The following CSMD1 variants were observed in gnomAD, a reference collection of about 807,000 sequenced individuals.
CSMD1 encodes CUB and Sushi multiple domains 1.
A neutral mutation model predicts 417.5 loss-of-function variants in CSMD1; 213 were observed. The observed-to-expected ratio is 0.51, with a 90% CI of 0.46 to 0.57. The LOEUF (loss-of-function observed/expected upper bound fraction) is 0.57. CSMD1 is among the 20% of genes least tolerant of loss of function. The pLI is 0.00. For synonymous variants in CSMD1, 2,862 were observed against 1,736.8 expected (o/e 1.65, Z -16.11); for missense variants, 6,923 against 4,529.7 (o/e 1.53, Z -15.17).
chr8:3,454,116 C>G lies in CSMD1; in HGVS notation c.1561+14596G>C, dbSNP rs6986675. Among the ~76,000 whole-genome samples, 11 of 152,204 alleles carry G rather than the reference C, an allele frequency of 7.2e-5. No individual in the cohort carries two copies. In the South Asian group the frequency reaches 8.3e-4, roughly 11 times the overall value. On this transcript the variant is annotated intron_variant, in intron 12 of 69. Coordinates refer to ENST00000635120, the MANE Select transcript of CSMD1 (RefSeq NM_033225.6). ...TTTGTTGGTTTAAAGTCTGTTTTAT[C>G]AGAGACTAGGATTGCAACCCCTGCC...
intron 2 of CSMD1, among the ~76,000 whole-genome samples, chr8:4,596,502 A>T (rs4875368): frequency 6.6e-6 from 1 of 152,100 alleles, no homozygotes; most frequent in Non-Finnish European, 1.5e-5. Context: ...TGTATAACAC[A>T]CAAGACTCTG....
At position 4,614,494 on chromosome 8, in the gene CSMD1, T is replaced by C. The variant is rs879649571; in HGVS notation, c.302+22848A>G. On this transcript the variant is annotated intron_variant, in intron 2 of 69. Transcript: ENST00000635120. ...TATGTCACCTCTAAACTGATCTCTT[T>C]ATTTTTAAGATTCATATACTAATAA... Among the ~76,000 whole-genome samples the C allele has an allele frequency of 2.0e-5, 3 of 152,198 alleles. No individual in the cohort carries two copies. In the East Asian group the frequency reaches 5.8e-4, roughly 29 times the overall value.
intron 50 of CSMD1, among the ~76,000 whole-genome samples, chr8:3,044,153 C>A (rs936625726): frequency 5.3e-5 from 8 of 152,180 alleles, no homozygotes; most frequent in East Asian, 1.9e-4. Context: ...TTCTAAGTAT[C>A]TTTAGCCCAA....
In CSMD1 at chr8:3,569,585, T is replaced by C. The variant is rs896020488; in HGVS notation, c.1344+5360A>G. Among the ~76,000 whole-genome samples, 3 of 152,324 alleles carry C rather than the reference T, an allele frequency of 2.0e-5. No homozygotes were observed. The East Asian group carries it at 5.8e-4, about 29-fold the overall frequency. On this transcript the variant is annotated intron_variant, in intron 10 of 69. Coordinates refer to ENST00000635120, the MANE Select transcript of CSMD1 (RefSeq NM_033225.6). ...GTATGCAAATTCTTCACATCCAAAA[T>C]GCTTCACTGATGCTTCTGGCAAGAG...
intron 5 of CSMD1, among the ~76,000 whole-genome samples, chr8:3,865,174 G>C (rs1178221284): frequency 6.6e-6 from 1 of 152,208 alleles, no homozygotes; most frequent in Non-Finnish European, 1.5e-5. Context: ...CTTGGGTGTA[G>C]AGGCACCTCT....
intron 37 of CSMD1, among the ~76,000 whole-genome samples, chr8:3,177,942 G>A (rs1038808000): frequency 6.6e-6 from 1 of 152,198 alleles, no homozygotes; most frequent in Non-Finnish European, 1.5e-5. Flanking sequence ...GAACAAGAGT[G>A]ACACTTGTGT....
At chr8:3,634,017 T>C (rs1796912639) in intron 7 of CSMD1, among the ~76,000 whole-genome samples, 1 of 151,846 alleles carries the variant, frequency 6.6e-6, no homozygotes, top group Admixed American at 6.6e-5. Flanking sequence ...AAATGTTTTA[T>C]CTGGGATTAC....
intron 3 of CSMD1, among the ~76,000 whole-genome samples, chr8:4,363,080 G>C (rs1226636393): frequency 6.6e-6 from 1 of 152,132 alleles, no homozygotes; most frequent in African/African-American, 2.4e-5. Flanking sequence ...AGAGCAGCCA[G>C]GTCACAGTGG....
At chr8:4,628,113 C>CTA (rs1554528777) in intron 2 of CSMD1, among the ~76,000 whole-genome samples, 1 of 123,998 alleles carries the variant, frequency 8.1e-6, no homozygotes, top group Non-Finnish European at 1.8e-5. Context: ...ATATATACTT[C>CTA]TGTGTGTGTG....
intron 5 of CSMD1, among the ~76,000 whole-genome samples, chr8:3,791,096 G>A (rs1421314741): frequency 6.6e-6 from 1 of 152,136 alleles, no homozygotes; most frequent in African/African-American, 2.4e-5. Context: ...TAAAATCAGT[G>A]TGATGGAACA....
At chr8:3,945,541 A>G (rs1211896064) in intron 5 of CSMD1, among the ~76,000 whole-genome samples, 9 of 151,570 alleles carry the variant, frequency 5.9e-5, no homozygotes, top group South Asian at 4.2e-4. Flanking sequence ...GTTGATTCAT[A>G]TAACTTTTGA....
chr8:4,174,053 C>T (rs1177745754), intron 3 of CSMD1, among the ~76,000 whole-genome samples: 1 of 152,230 alleles, frequency 6.6e-6, no homozygotes, highest in East Asian at 1.9e-4. Context: ...TGGTTTAGGC[C>T]TGGGCCACCT....
intron 5 of CSMD1, among the ~76,000 whole-genome samples, chr8:3,975,626 G>C (rs1813379879): frequency 6.6e-6 from 1 of 152,136 alleles, no homozygotes; most frequent in Admixed American, 6.6e-5. Context: ...CATGACTAAA[G>C]TGCCTGTAGG....
At chr8:4,764,457 T>A (rs1435701330) in intron 1 of CSMD1, among the ~76,000 whole-genome samples, 1 of 152,194 alleles carries the variant, frequency 6.6e-6, no homozygotes, top group Non-Finnish European at 1.5e-5. Context: ...TTTTACGTTA[T>A]CGTCTGTATT....
At chr8:4,602,603 T>C (rs1342972916) in intron 2 of CSMD1, among the ~76,000 whole-genome samples, 2 of 152,222 alleles carry the variant, frequency 1.3e-5, no homozygotes, top group Non-Finnish European at 2.9e-5. Context: ...AGAAATATTC[T>C]ATAAAATTCA....
chr8:4,403,398 C>G (rs1470494869), intron 3 of CSMD1, among the ~76,000 whole-genome samples: 1 of 152,132 alleles, frequency 6.6e-6, no homozygotes, highest in African/African-American at 2.4e-5. Flanking sequence ...ATCTAATTCT[C>G]TTTTGAACCA....
At chr8:3,433,868 C>T (rs955171615) in intron 12 of CSMD1, among the ~76,000 whole-genome samples, 3 of 152,210 alleles carry the variant, frequency 2.0e-5, no homozygotes, top group Admixed American at 6.5e-5. Flanking sequence ...AAATTGCTTC[C>T]TGCTTCAACT....
chr8:3,648,562 A>T (rs2117365441), intron 7 of CSMD1, among the ~76,000 whole-genome samples: 1 of 152,320 alleles, frequency 6.6e-6, no homozygotes, highest in East Asian at 1.9e-4. Context: ...AGAGCACAGA[A>T]AATTGTTTTG....
chr8:3,023,152 C>T (rs1398976626), intron 51 of CSMD1, among the ~76,000 whole-genome samples: 1 of 152,166 alleles, frequency 6.6e-6, no homozygotes, highest in African/African-American at 2.4e-5. Context: ...TAAACACAGG[C>T]TCCCATACGT....
Sources: allele counts gnomAD v4.1 joint callset (sites outside exome capture counted in the v4.1 genomes callset), GRCh38; gene constraint gnomAD v4.1.1; transcripts MANE v1.5; gene names NCBI Gene and HGNC (gene_info 2026-07-23, HGNC 2026-07-21).